The following PFDN1 variants were observed in gnomAD, a reference collection of about 807,000 sequenced individuals.
PFDN1 encodes prefoldin 1.
Under a neutral mutation model 17.3 loss-of-function variants are expected in PFDN1, and 6 were observed. That is an observed-to-expected ratio of 0.35 (90% confidence interval 0.19 to 0.69). PFDN1 has a LOEUF of 0.69. Among genes scored for constraint, PFDN1 ranks in the 30% least tolerant of loss-of-function variants. The pLI is 0.65. For missense variants in PFDN1, 113 were observed against 146.2 expected, an observed-to-expected ratio of 0.77 and a Z score of 1.17; for synonymous variants, 58 against 50.1, an observed-to-expected ratio of 1.16 and a Z score of -0.67.
chr5:140,299,885 G>A lies in PFDN1; in HGVS notation c.200+531C>T, dbSNP rs1329897103. Among the ~76,000 whole-genome samples, 4 of 151,966 alleles carry A rather than the reference G, an allele frequency of 2.6e-5. No homozygotes were observed. In the East Asian group the frequency reaches 7.9e-4, roughly 30 times the overall value. ...AAATTAGCAGGGCGTGGTGGCAAGC[G>A]CCCGTAATCCCAGTCACTCAGGAGG... On this transcript the variant is annotated intron_variant, in intron 2 of 3. Coordinates refer to ENST00000261813, the MANE Select transcript of PFDN1 (RefSeq NM_002622.5).
chr5:140,275,408 CAAA>C (rs34009092), intron 3 of PFDN1, among the ~76,000 whole-genome samples: 6 of 106,734 alleles, frequency 5.6e-5, no homozygotes, highest in Admixed American at 9.6e-5. Flanking sequence ...GACTCTGTCT[CAAA>C]AAAAAAAAAA....
chr5:140,257,856 G>A (rs1470518078), intron 3 of PFDN1, among the ~76,000 whole-genome samples: 1 of 152,198 alleles, frequency 6.6e-6, no homozygotes, highest in African/African-American at 2.4e-5. Context: ...AGGGATCTGA[G>A]GGAAACCATG....
chr5:140,249,349 G>A (rs988210239), intron 3 of PFDN1, among the ~76,000 whole-genome samples: 3 of 152,132 alleles, frequency 2.0e-5, no homozygotes, highest in African/African-American at 7.2e-5. Flanking sequence ...AGAAAACCAA[G>A]TAGAAAACCA....
chr5:140,260,830 C>A (rs1463060395), intron 3 of PFDN1, among the ~76,000 whole-genome samples: 1 of 151,682 alleles, frequency 6.6e-6, no homozygotes, highest in East Asian at 1.9e-4. Context: ...ATATATATAT[C>A]TCCTTTTATT....
At chr5:140,250,033 G>A (rs1166170704) in intron 3 of PFDN1, among the ~76,000 whole-genome samples, 1 of 152,134 alleles carries the variant, frequency 6.6e-6, no homozygotes, top group Non-Finnish European at 1.5e-5. Context: ...GTGCGGTGCT[G>A]TGCTCTTGGG....
intron 2 of PFDN1, among the ~76,000 whole-genome samples, chr5:140,287,759 C>G (rs1765519370): frequency 6.6e-6 from 1 of 152,120 alleles, no homozygotes; most frequent in South Asian, 2.1e-4. Context: ...AACAAACGAC[C>G]ATATTTAAAA....
chr5:140,264,437 T>G (rs1765108381), intron 3 of PFDN1, among the ~76,000 whole-genome samples: 1 of 152,264 alleles, frequency 6.6e-6, no homozygotes, highest in Admixed American at 6.5e-5. Flanking sequence ...GGCATTATGC[T>G]ATGCATATCA....
chr5:140,281,536 A>T lies in PFDN1; in HGVS notation c.201-3T>A. The T allele has an allele frequency of 6.6e-7, 1 of 1,518,474 alleles. No homozygotes were observed. The highest frequency in any genetic ancestry group is 1.4e-5 in the African/African-American group (1 of 73,144). The allele number at this position is 1,518,474 out of a possible 1,614,324, so 94.1% of individuals were successfully genotyped here. A position where few individuals can be genotyped will look rare whatever the true frequency, so the allele number is the denominator to read the frequency against. Reference sequence around the variant, plus strand: ...CTTCCTTGGACTGAAGAATAAACCTATGAAACACAAGAAAGTTGAAAATTA... The same window carrying T: ...CTTCCTTGGACTGAAGAATAAACCTTTGAAACACAAGAAAGTTGAAAATTA... On this transcript the variant is annotated splice_polypyrimidine_tract_variant and splice_region_variant and intron_variant, in intron 2 of 3. Coordinates refer to ENST00000261813, the MANE Select transcript of PFDN1 (RefSeq NM_002622.5).
Position 140,303,056 on chromosome 5 carries a change from A to G in PFDN1, c.18T>C (p.Asp6=). 1 of 1,612,926 alleles carries G rather than the reference A, an allele frequency of 6.2e-7. No homozygotes were observed. Among genetic ancestry groups the G allele is most frequent in the Non-Finnish European group, 8.5e-7 (1 of 1,178,906 alleles). Residue 6 remains aspartate, a synonymous_variant, in exon 1 of 4, where the codon GAT becomes GAC. Transcript: ENST00000261813. ...CCTCTTTTACCTTCTTCAGCTCTAG[A>G]TCCACGGGGGCGGCCATCTTGGTGC... is the stretch of plus-strand genomic sequence containing the variant. MAAPV[D]LELKKAFTEL...
In PFDN1 at chr5:140,245,898, C is replaced by T. The variant is rs562940788; in HGVS notation, c.*76G>A. On this transcript the variant is annotated 3_prime_UTR_variant, in exon 4 of 4. Coordinates refer to ENST00000261813, the MANE Select transcript of PFDN1 (RefSeq NM_002622.5). ...AGCATCCATCGGGGCAGAGGAGAAG[C>T]TGTTTCCCTGCAGACACTCCTCTGC... is the stretch of plus-strand genomic sequence containing the variant. 1.4e-4 allele frequency: 115 copies of T among 807,634 alleles called. No individual in the cohort carries two copies. The highest frequency in any genetic ancestry group is 2.2e-4 in the Non-Finnish European group (105 of 472,132). The allele number at this position is 807,634 out of a possible 1,614,324, so 50.0% of individuals were successfully genotyped here.
intron 3 of PFDN1, among the ~76,000 whole-genome samples, chr5:140,251,546 C>T (rs891277759): frequency 2.6e-5 from 4 of 152,212 alleles, no homozygotes; most frequent in African/African-American, 7.2e-5. Flanking sequence ...TCCACACTTA[C>T]TACCAGCAGT....
intron 2 of PFDN1, among the ~76,000 whole-genome samples, chr5:140,298,116 A>C (rs2126702569): frequency 6.6e-6 from 1 of 152,296 alleles, no homozygotes; most frequent in Middle Eastern, 3.4e-3. Flanking sequence ...TGGGATCCTT[A>C]TCCTCTTAAA....
chr5:140,272,628 G>T (rs1765224753), intron 3 of PFDN1, among the ~76,000 whole-genome samples: 2 of 152,136 alleles, frequency 1.3e-5, no homozygotes, highest in Admixed American at 1.3e-4. Context: ...AAAGTGCTGG[G>T]ATTACAGGCA....
intron 3 of PFDN1, among the ~76,000 whole-genome samples, chr5:140,270,105 G>A (rs1218536950): frequency 6.6e-6 from 1 of 152,184 alleles, no homozygotes; most frequent in Non-Finnish European, 1.5e-5. Flanking sequence ...CACCTGTGAT[G>A]TAAGAACAGA....
chr5:140,285,347 CAAAA>C (rs59589577), intron 2 of PFDN1, among the ~76,000 whole-genome samples: 3 of 88,902 alleles, frequency 3.4e-5, no homozygotes. Flanking sequence ...GACTCCATCT[CAAAA>C]AAAAAAAAAA....
At chr5:140,284,879 G>C (rs1384222697) in intron 2 of PFDN1, among the ~76,000 whole-genome samples, 2 of 152,098 alleles carry the variant, frequency 1.3e-5, no homozygotes, top group African/African-American at 4.8e-5. Flanking sequence ...TCATTTATTT[G>C]TAATTATGCC....
intron 3 of PFDN1, among the ~76,000 whole-genome samples, chr5:140,264,684 A>AG (rs1181267159): frequency 2.0e-5 from 3 of 151,854 alleles, no homozygotes; most frequent in African/African-American, 7.2e-5. Context: ...AAAAAAAAAA[A>AG]CACAGAATTA....
chr5:140,296,803 C>T (rs1327194504), intron 2 of PFDN1, among the ~76,000 whole-genome samples: 3 of 152,122 alleles, frequency 2.0e-5, no homozygotes, highest in Non-Finnish European at 4.4e-5. Context: ...TTCTTCTCAA[C>T]ATATAACACA....
At position 140,257,159 on chromosome 5, in the gene PFDN1, G is replaced by A. The variant is rs1436613293; in HGVS notation, c.286-11102C>T. Among the ~76,000 whole-genome samples, 7 of 151,004 alleles carry A rather than the reference G, an allele frequency of 4.6e-5. No homozygotes were observed. In the East Asian group the frequency reaches 1.2e-3, roughly 25 times the overall value. ...AATCGCTTGAGCCCGGGAGGTGGAGGTTGCAGTGAGCCGAGATCACGCCAC... is the reference window on the plus strand; with the variant it reads ...AATCGCTTGAGCCCGGGAGGTGGAGATTGCAGTGAGCCGAGATCACGCCAC... On this transcript the variant is annotated intron_variant, in intron 3 of 3. Transcript: ENST00000261813.
Sources: gnomAD v4.1 joint callset for allele counts (sites outside exome capture counted in the v4.1 genomes callset) on GRCh38, gnomAD v4.1.1 for gene constraint, MANE v1.5 for transcripts, NCBI Gene and HGNC (gene_info 2026-07-23, HGNC 2026-07-21) for gene names.